Variants in ATR observed in about 807,000 individuals in gnomAD.
ATR encodes serine/threonine-protein kinase ATR.
ATR carries 142 observed loss-of-function variants against 305.3 expected under a neutral mutation model. The ratio of observed to expected loss-of-function variants is 0.47; its 90% CI spans 0.41 to 0.53. ATR has a LOEUF of 0.53. ATR is among the 20% of genes least tolerant of loss of function. The pLI is 0.00. For synonymous variants in ATR, 1,050 were observed against 1,068.1 expected (o/e 0.98, Z 0.33); for missense variants, 2,135 against 3,133.1 (o/e 0.68, Z 7.60).
At chr3:142,566,293 T>C (rs758981882) in intron 2 of ATR, 32 bp from the exon 3 acceptor site, 5 of 1,608,162 alleles carry the variant, frequency 3.1e-6, no homozygotes, top group Admixed American at 1.7e-5. Flanking sequence ...TAAAGAGTCA[T>C]GACAAATTAA....
chr3:142,509,009 T>C (rs931923544), intron 27 of ATR, among the ~76,000 whole-genome samples: 1 of 150,456 alleles, frequency 6.6e-6, no homozygotes, highest in African/African-American at 2.4e-5. Context: ...TTTTCAAGAG[T>C]GTACAAAAAG....
chr3:142,532,147 G>A lies in ATR; in HGVS notation c.3945+2933C>T, dbSNP rs556123876. 1.9e-3 allele frequency among the ~76,000 whole-genome samples: 282 copies of A among 152,250 alleles called. 1 individual carries two copies. The highest frequency in any genetic ancestry group is 6.2e-3 in the African/African-American group (257 of 41,522). On this transcript the variant is annotated intron_variant, in intron 21 of 46. Coordinates refer to ENST00000350721, the MANE Select transcript of ATR (RefSeq NM_001184.4). Reference sequence around the variant, plus strand: ...GACACTCCCCAGTGAGATGAACCCGGTACCTCAGTTGGAAATGCAGAAATC... The same window carrying A: ...GACACTCCCCAGTGAGATGAACCCGATACCTCAGTTGGAAATGCAGAAATC...
At chr3:142,539,842 T>A (rs1429470823) in intron 18 of ATR, among the ~76,000 whole-genome samples, 2 of 152,210 alleles carry the variant, frequency 1.3e-5, no homozygotes, top group African/African-American at 4.8e-5. Flanking sequence ...AAAATCATTA[T>A]TTCATCAACT....
chr3:142,527,875 A>T (rs1396607553), intron 21 of ATR, among the ~76,000 whole-genome samples: 1 of 151,982 alleles, frequency 6.6e-6, no homozygotes, highest in Non-Finnish European at 1.5e-5. Flanking sequence ...ATCAGCAATC[A>T]CTCCCCATTT....
rs1209367847 is a variant in ATR at position 142,535,101 on chromosome 3, C to T, written c.3924G>A (p.Lys1308=). ...ATACCTGATTTTTATACAAGGTTTC[C>T]TTCAAGCTTGTAAGAGCATGAATAC... is the stretch of plus-strand genomic sequence containing the variant. ...DVRIHALTSL[K]ETLYKNQEKL... is the part of the protein sequence containing the mutation. Residue 1308 remains lysine (K), a synonymous_variant, in exon 21 of 47, where the codon AAG becomes AAA. Transcript: ENST00000350721. 1 of 1,612,478 alleles carries T rather than the reference C, an allele frequency of 6.2e-7. No individual in the cohort carries two copies. Among genetic ancestry groups the T allele is most frequent in the East Asian group, 2.2e-5 (1 of 44,764 alleles).
Position 142,562,463 on chromosome 3 carries a change from A to G in ATR, c.939T>C (p.Ile313=). The G allele has an allele frequency of 6.2e-7, 1 of 1,614,156 alleles. No individual in the cohort carries two copies. The highest frequency in any genetic ancestry group is 8.5e-7 in the Non-Finnish European group (1 of 1,179,984). Residue 313 remains isoleucine (I), a synonymous_variant, in exon 4 of 47, where the codon ATT becomes ATC. Coordinates refer to ENST00000350721, the MANE Select transcript of ATR (RefSeq NM_001184.4). The part of the protein sequence containing the change: ...FPFEAEAYRN[I]EPVYLNMLLE... ...GCAGCATATTTAAATAGACAGGTTCAATATTTCTATAAGCTTCTGCTTCAA... is the reference window on the plus strand; with the variant it reads ...GCAGCATATTTAAATAGACAGGTTCGATATTTCTATAAGCTTCTGCTTCAA...
chr3:142,519,905 C>T (rs1398603566), intron 23 of ATR, 121 bp from the exon 24 acceptor site: 4 of 800,664 alleles, frequency 5.0e-6, no homozygotes, highest in Non-Finnish European at 8.6e-6. Flanking sequence ...TTGCACTTCG[C>T]TTTATTTATG....
rs2034328286 is a variant in ATR at position 142,547,807 on chromosome 3, T to C, written c.3275A>G (p.Asn1092Ser). 3 of 1,613,974 alleles carry C rather than the reference T, an allele frequency of 1.9e-6. No individual in the cohort carries two copies. The highest frequency in any genetic ancestry group is 2.5e-6 in the Non-Finnish European group (3 of 1,179,936). Residue 1092 changes from asparagine (N) to serine (S), a missense_variant, in exon 16 of 47, where the codon AAT (asparagine) becomes AGT (serine). Coordinates refer to ENST00000350721, the MANE Select transcript of ATR (RefSeq NM_001184.4). ...AAATGAGGCAAGTATTGACAAACCATTAAAAACCTGTTGATAGTGTTCTCC... is the reference window on the plus strand; with the variant it reads ...AAATGAGGCAAGTATTGACAAACCACTAAAAACCTGTTGATAGTGTTCTCC... ...RIGEHYQQVF[N>S]GLSILASFAS...
intron 46 of ATR, chr3:142,451,200 T>G: frequency 8.4e-7 from 1 of 1,187,292 alleles, no homozygotes; most frequent in Middle Eastern, 3.8e-4. Flanking sequence ...GGGATCGAGG[T>G]GCAGTACCAC....
At chr3:142,577,092 T>C (rs78269753) in intron 1 of ATR, among the ~76,000 whole-genome samples, 2,059 of 152,316 alleles carry the variant, frequency 0.014, 24 homozygotes, top group Non-Finnish European at 0.022. Context: ...GGATATACTA[T>C]GAAAATTGAT....
In ATR at chr3:142,569,837, G is replaced by A. The variant is rs575875441; in HGVS notation, c.60-1683C>T. Among the ~76,000 whole-genome samples the A allele has an allele frequency of 2.0e-5, 3 of 151,918 alleles. No homozygotes were observed. In the South Asian group the frequency reaches 6.2e-4, roughly 32 times the overall value. ...AATTTTTTGTATTTTAGTAGAGATGGGGTTTTACCATGTTGGCCAGGATGG... is the reference window on the plus strand; with the variant it reads ...AATTTTTTGTATTTTAGTAGAGATGAGGTTTTACCATGTTGGCCAGGATGG... On this transcript the variant is annotated intron_variant, in intron 1 of 46. Coordinates refer to ENST00000350721, the MANE Select transcript of ATR (RefSeq NM_001184.4).
chr3:142,559,988 C>T (rs747707850), intron 6 of ATR, among the ~76,000 whole-genome samples: 6 of 151,978 alleles, frequency 3.9e-5, no homozygotes, highest in Non-Finnish European at 7.4e-5. Flanking sequence ...TGGCTTCAGA[C>T]AAAAAAGAGC....
At chr3:142,502,847 A>C (rs1261982217) in intron 30 of ATR, among the ~76,000 whole-genome samples, 4 of 152,222 alleles carry the variant, frequency 2.6e-5, no homozygotes, top group Non-Finnish European at 5.9e-5. Flanking sequence ...AAACTGGAAG[A>C]ACTACTCAGC....
Position 142,562,977 on chromosome 3 carries a change from A to T in ATR, c.425T>A (p.Phe142Tyr). The T allele has an allele frequency of 1.2e-6, 2 of 1,607,986 alleles. No homozygotes were observed. Among genetic ancestry groups the T allele is most frequent in the South Asian group, 2.2e-5 (2 of 89,106 alleles). Residue 142 changes from phenylalanine (F) to tyrosine (Y), a missense_variant, in exon 4 of 47, where the codon TTT (phenylalanine) becomes TAT (tyrosine). Phe to Tyr is a conservative substitution (Grantham distance 22). Around this residue, in one of 9 missense-constraint regions of ATR, gnomAD observed 744 missense variants for 873.2 expected, o/e 0.85. Coordinates refer to ENST00000350721, the MANE Select transcript of ATR (RefSeq NM_001184.4). The stretch of plus-strand genomic sequence containing the variant: ...TAATAATTCTTTTGTGAGTACCCCA[A>T]AAATAGCAGGACTCTTGCTTTTAAA... Reference protein sequence around the residue: ...FLFKSKSPAIFGVLTKELLQL... With the variant: ...FLFKSKSPAIYGVLTKELLQL...
At chr3:142,526,307 C>T (rs1175246006) in intron 21 of ATR, among the ~76,000 whole-genome samples, 1 of 152,062 alleles carries the variant, frequency 6.6e-6, no homozygotes, top group Admixed American at 6.6e-5. Context: ...GATAATTTTA[C>T]ATCTTTTCCA....
chr3:142,451,473 C>G, intron 46 of ATR: 2 of 1,486,830 alleles, frequency 1.3e-6, no homozygotes, highest in Non-Finnish European at 1.8e-6. Flanking sequence ...TCTGGCTTGC[C>G]CAGACATCTT....
At chr3:142,491,201 A>C (rs974268296) in intron 35 of ATR, among the ~76,000 whole-genome samples, 6 of 152,182 alleles carry the variant, frequency 3.9e-5, no homozygotes, top group African/African-American at 1.2e-4. Flanking sequence ...GGATTTGCTT[A>C]TTCTGGCCAT....
At chr3:142,550,096 T>C in intron 14 of ATR, 36 bp downstream of exon 14, 1 of 1,609,534 alleles carries the variant, frequency 6.2e-7, no homozygotes. Flanking sequence ...AAATACTGAA[T>C]TGCAAACCTC....
At chr3:142,487,237 G>A (rs1220684407) in intron 35 of ATR, among the ~76,000 whole-genome samples, 2 of 152,142 alleles carry the variant, frequency 1.3e-5, no homozygotes, top group Non-Finnish European at 2.9e-5. Flanking sequence ...CTAGGCTCAA[G>A]GCAATCCTCC....
Sources: gnomAD v4.1 joint callset for allele counts (sites outside exome capture counted in the v4.1 genomes callset) on GRCh38, gnomAD v4.1.1 for gene constraint, gnomAD v4.1.1 regional missense constraint, MANE v1.5 for transcripts, NCBI Gene and HGNC (gene_info 2026-07-23, HGNC 2026-07-21) for gene names.